ADGRV1: variants seen among roughly 807,000 people sequenced by gnomAD.
ADGRV1 encodes G-protein coupled receptor 98.
Under a neutral mutation model 596.2 loss-of-function variants are expected in ADGRV1, and 359 were observed. The observed-to-expected ratio is 0.60, with a 90% CI of 0.55 to 0.66. The LOEUF is 0.66. Among genes scored for constraint, ADGRV1 ranks in the 30% least tolerant of loss-of-function variants. ADGRV1 has a pLI of 0.00. For missense variants in ADGRV1, 7,274 were observed against 7,575.6 expected, an observed-to-expected ratio of 0.96 and a Z score of 1.48; for synonymous variants, 2,681 against 2,679.2, an observed-to-expected ratio of 1.00 and a Z score of -0.02.
chr5:90,901,096 A>G (rs796249251), intron 83 of ADGRV1, among the ~76,000 whole-genome samples: 1 of 152,134 alleles, frequency 6.6e-6, no homozygotes, highest in African/African-American at 2.4e-5. Flanking sequence ...TGTAAAGTCC[A>G]TTAGTTTTGT....
At chr5:91,050,442 TG>T (rs1786214934) in intron 85 of ADGRV1, among the ~76,000 whole-genome samples, 1 of 152,250 alleles carries the variant, frequency 6.6e-6, no homozygotes, top group South Asian at 2.1e-4. Flanking sequence ...ATGGCATTGT[TG>T]ATATCATTAT....
chr5:90,986,690 C>A (rs1400677848), intron 85 of ADGRV1, among the ~76,000 whole-genome samples: 1 of 152,058 alleles, frequency 6.6e-6, no homozygotes. Flanking sequence ...GTATTTTATG[C>A]ATATACAAGT....
chr5:91,083,780 T>C (rs556424016), intron 86 of ADGRV1, among the ~76,000 whole-genome samples: 1 of 152,250 alleles, frequency 6.6e-6, no homozygotes, highest in African/African-American at 2.4e-5. Context: ...GCTTAATAAT[T>C]TCTTTTGCTG....
At chr5:91,068,513 T>C (rs1312698037) in intron 85 of ADGRV1, among the ~76,000 whole-genome samples, 1 of 150,980 alleles carries the variant, frequency 6.6e-6, no homozygotes, top group Non-Finnish European at 1.5e-5. Flanking sequence ...TTTAATAATA[T>C]ATTTCTTTTT....
rs1350047435 is a variant in ADGRV1 at position 90,877,075 on chromosome 5, TGAG to T, written c.17856+13222_17856+13224del. 6.6e-5 allele frequency among the ~76,000 whole-genome samples: 10 copies of T among 152,244 alleles called. No individual in the cohort carries two copies. In the East Asian group the frequency reaches 1.9e-3, roughly 29 times the overall value. On this transcript the variant is annotated intron_variant, in intron 83 of 89. Coordinates refer to ENST00000405460, the MANE Select transcript of ADGRV1 (RefSeq NM_032119.4). ...AAAGAGTTATTAATTCTATCCAGGT[TGAG>T]GAGTGGAGTCAGGAAAATCTTATAG...
Position 90,692,628 on chromosome 5 carries a change from T to A in ADGRV1, c.6975T>A (p.Asp2325Glu). 1 of 1,610,074 alleles carries A rather than the reference T, an allele frequency of 6.2e-7. No individual in the cohort carries two copies. The highest frequency in any genetic ancestry group is 8.5e-7 in the Non-Finnish European group (1 of 1,178,308). Reference protein sequence around the residue: ...IEEVIQVQLTDASGGGTIGLD... With the variant: ...IEEVIQVQLTEASGGGTIGLD... Reference sequence around the variant, plus strand: ...AGGTTATCCAAGTGCAACTAACTGATGCCTCTGGTGGAGGTACTATTGGGT... The same window carrying A: ...AGGTTATCCAAGTGCAACTAACTGAAGCCTCTGGTGGAGGTACTATTGGGT... The change falls in exon 32 of 90, where the codon GAT (aspartate) becomes GAA (glutamate). Residue 2325 changes from aspartate (D) to glutamate (E), a missense_variant. Physicochemically the swap from Asp to Glu is conservative, Grantham distance 45. Coordinates refer to ENST00000405460, the MANE Select transcript of ADGRV1 (RefSeq NM_032119.4).
intron 85 of ADGRV1, among the ~76,000 whole-genome samples, chr5:91,010,346 C>G (rs1581780425): frequency 6.6e-6 from 1 of 152,026 alleles, no homozygotes; most frequent in South Asian, 2.1e-4. Flanking sequence ...AGGAAATGCT[C>G]AACTATACAC....
intron 50 of ADGRV1, among the ~76,000 whole-genome samples, chr5:90,730,082 G>A (rs1391384855): frequency 1.3e-5 from 2 of 152,108 alleles, no homozygotes; most frequent in Non-Finnish European, 2.9e-5. Context: ...TAGCCAGGAT[G>A]GTCTTGATCT....
intron 10 of ADGRV1, among the ~76,000 whole-genome samples, chr5:90,635,844 C>T (rs540646608): frequency 1.4e-3 from 210 of 151,734 alleles, no homozygotes; most frequent in Middle Eastern, 7.0e-3. Flanking sequence ...GTCCACCTCC[C>T]TTGGCCTTCC....
At chr5:90,596,498 C>T (rs1027036207) in intron 1 of ADGRV1, among the ~76,000 whole-genome samples, 1 of 151,862 alleles carries the variant, frequency 6.6e-6, no homozygotes, top group Admixed American at 6.5e-5. Flanking sequence ...AGCCTGGGCA[C>T]CATTGAGCAC....
chr5:90,783,436 A>G (rs2150103553), intron 66 of ADGRV1, 111 bp downstream of exon 66: 2 of 777,224 alleles, frequency 2.6e-6, no homozygotes, highest in Non-Finnish European at 2.1e-6. Context: ...TGTCCATTGG[A>G]AAACAACAGG....
intron 64 of ADGRV1, among the ~76,000 whole-genome samples, chr5:90,780,381 A>G (rs1336013940): frequency 6.6e-6 from 1 of 152,168 alleles, no homozygotes; most frequent in East Asian, 1.9e-4. Flanking sequence ...TTTGCCTTTT[A>G]TATAATTCGC....
At chr5:90,824,295 A>C (rs552740740) in intron 76 of ADGRV1, among the ~76,000 whole-genome samples, 1 of 152,214 alleles carries the variant, frequency 6.6e-6, no homozygotes, top group African/African-American at 2.4e-5. Flanking sequence ...AGCAATAACA[A>C]ATATTCTAGA....
At chr5:90,809,160 G>T (rs1042481688) in intron 73 of ADGRV1, among the ~76,000 whole-genome samples, 3 of 151,690 alleles carry the variant, frequency 2.0e-5, no homozygotes, top group Admixed American at 2.0e-4. Context: ...GTTTCACTGT[G>T]TTAGCCAGGA....
intron 85 of ADGRV1, among the ~76,000 whole-genome samples, chr5:91,055,355 A>T (rs1016680415): frequency 6.6e-6 from 1 of 151,062 alleles, no homozygotes; most frequent in Non-Finnish European, 1.5e-5. Context: ...TAGACATTAC[A>T]GTGTTACAGC....
chr5:90,731,750 C>T (rs545929618), intron 50 of ADGRV1, among the ~76,000 whole-genome samples: 1 of 152,276 alleles, frequency 6.6e-6, no homozygotes, highest in African/African-American at 2.4e-5. Flanking sequence ...AATCATCCAG[C>T]AGTTTTCACA....
intron 83 of ADGRV1, among the ~76,000 whole-genome samples, chr5:90,899,006 G>A (rs1021906886): frequency 2.0e-5 from 3 of 152,044 alleles, no homozygotes; most frequent in Non-Finnish European, 4.4e-5. Flanking sequence ...CTGAACAGGA[G>A]GAACTGAGGA....
intron 85 of ADGRV1, among the ~76,000 whole-genome samples, chr5:91,031,946 G>A (rs1171199704): frequency 1.3e-5 from 2 of 152,166 alleles, no homozygotes; most frequent in Non-Finnish European, 2.9e-5. Flanking sequence ...TTAATTACGT[G>A]ATATATTAAC....
At chr5:90,996,640 G>A (rs1237555435) in intron 85 of ADGRV1, among the ~76,000 whole-genome samples, 1 of 152,166 alleles carries the variant, frequency 6.6e-6, no homozygotes. Flanking sequence ...GTGAGGAGAG[G>A]GCCACAGTTC....
Sources: gnomAD v4.1 joint callset for allele counts (sites outside exome capture counted in the v4.1 genomes callset) on GRCh38, gnomAD v4.1.1 for gene constraint, MANE v1.5 for transcripts, NCBI Gene and HGNC (gene_info 2026-07-23, HGNC 2026-07-21) for gene names.